The following RGS8 variants were observed in gnomAD, a reference collection of about 807,000 sequenced individuals.
RGS8 encodes the protein regulator of G protein signaling 8.
In RGS8, 8 loss-of-function variants were observed where a neutral mutation model predicts 21.7. The observed-to-expected ratio is 0.37, with a 90% CI of 0.22 to 0.66. The LOEUF (loss-of-function observed/expected upper bound fraction) is 0.66. Among genes scored for constraint, RGS8 ranks in the 30% least tolerant of loss-of-function variants. The pLI, the probability that RGS8 is intolerant of heterozygous loss-of-function variation, is 0.59. For missense variants in RGS8, 157 were observed against 217.9 expected (o/e 0.72, Z 1.76); for synonymous variants, 80 against 83.6 (o/e 0.96, Z 0.24).
At chr1:182,670,386 C>T (rs1664097164) in intron 2 of RGS8, among the ~76,000 whole-genome samples, 1 of 152,224 alleles carries the variant, frequency 6.6e-6, no homozygotes, top group Non-Finnish European at 1.5e-5. Context: ...GGGGCCTGGC[C>T]TATTCTTGAC....
the RGS8 span, among the ~76,000 whole-genome samples, chr1:182,742,299 T>C: frequency 0.43 from 62,176 of 145,706 alleles, 13,396 homozygotes; most frequent in Non-Finnish European, 0.47. Flanking sequence ...AGACGATGGG[T>C]GGCCAGGCGG....
chr1:182,724,406 T>C, the RGS8 span, among the ~76,000 whole-genome samples: 1 of 151,576 alleles, frequency 6.6e-6, no homozygotes, highest in East Asian at 1.9e-4. Flanking sequence ...CCATCTGTGA[T>C]TGGCTGACTC....
upstream of RGS8, chr1:182,672,905 G>A: frequency 6.4e-7 from 1 of 1,561,932 alleles, no homozygotes; most frequent in South Asian, 1.1e-5. Context: ...TCCAAGCGTG[G>A]TCCCTGAACC....
At chr1:182,727,322 G>A in the RGS8 span, among the ~76,000 whole-genome samples, 1 of 152,198 alleles carries the variant, frequency 6.6e-6, no homozygotes, top group Non-Finnish European at 1.5e-5. Flanking sequence ...AGAATTAAAT[G>A]AGTTAATCTA....
chr1:182,643,452 G>C (rs1167295255), downstream of RGS8: 3 of 152,014 alleles, frequency 2.0e-5, no homozygotes, highest in Non-Finnish European at 2.9e-5. Flanking sequence ...AAAAGCTTCT[G>C]ATTTGGCTGT....
chr1:182,659,421 C>T (rs1486797237), intron 5 of RGS8, among the ~76,000 whole-genome samples: 1 of 152,172 alleles, frequency 6.6e-6, no homozygotes, highest in Non-Finnish European at 1.5e-5. Context: ...AAACATGTAG[C>T]CGGGCGCGGT....
chr1:182,670,648 T>A (rs1453738582), intron 2 of RGS8, among the ~76,000 whole-genome samples: 1 of 152,160 alleles, frequency 6.6e-6, no homozygotes, highest in Non-Finnish European at 1.5e-5. Context: ...GACTCCTATG[T>A]GAGCTACACC....
Position 182,671,249 on chromosome 1 carries a change from A to T in RGS8, c.-104+408T>A, listed in dbSNP as rs1227489699. ...TGCTCTCAACCACAGATGCCAATAA[A>T]TAAGAATCAGCAGGACACTCTGACC... On this transcript the variant is annotated intron_variant, in intron 2 of 6. Transcript: ENST00000483095. Among the ~76,000 whole-genome samples, 3 of 152,280 alleles carry T rather than the reference A, an allele frequency of 2.0e-5. No homozygotes were observed. In the East Asian group the frequency reaches 5.8e-4, roughly 29 times the overall value.
At chr1:182,701,398 A>G in the RGS8 span, among the ~76,000 whole-genome samples, 1 of 152,256 alleles carries the variant, frequency 6.6e-6, no homozygotes, top group Non-Finnish European at 1.5e-5. Flanking sequence ...GGTCAAAGGC[A>G]CAGGTCACTG....
the RGS8 span, among the ~76,000 whole-genome samples, chr1:182,691,012 G>C: frequency 6.6e-6 from 1 of 152,304 alleles, no homozygotes; most frequent in Non-Finnish European, 1.5e-5. Context: ...CCAGTCCCCT[G>C]TATTGTACCA....
chr1:182,708,918 G>A, the RGS8 span, among the ~76,000 whole-genome samples: 1 of 152,200 alleles, frequency 6.6e-6, no homozygotes, highest in Non-Finnish European at 1.5e-5. Context: ...TGGGCAGGCG[G>A]AAGCTTGGGG....
the RGS8 span, among the ~76,000 whole-genome samples, chr1:182,741,710 G>T: frequency 1.8e-5 from 2 of 108,620 alleles, no homozygotes; most frequent in African/African-American, 5.8e-5. Flanking sequence ...CCGGGCAGAG[G>T]CGCCCCTCAC....
chr1:182,747,043 C>CTTTTTTTTTTTTTTTTTTTTTTTTTTTTT, the RGS8 span, among the ~76,000 whole-genome samples: 9 of 21,050 alleles, frequency 4.3e-4, 4 homozygotes, highest in Admixed American at 1.8e-3. Context: ...CACTGCTGGT[C>CTTTTTTTTTTTTTTTTTTTTTTTTTTTTT]TTTTTTTTTT....
the RGS8 span, among the ~76,000 whole-genome samples, chr1:182,699,223 T>G: frequency 1.3e-5 from 2 of 152,222 alleles, no homozygotes; most frequent in Non-Finnish European, 2.9e-5. Context: ...AGGCAGGCCT[T>G]CCTTCATTTT....
At chr1:182,678,080 C>T (rs1020636421) in intron 1 of RGS8, among the ~76,000 whole-genome samples, 1 of 152,134 alleles carries the variant, frequency 6.6e-6, no homozygotes, top group African/African-American at 2.4e-5. Flanking sequence ...AGTATTAAGA[C>T]ATTATCGTTA....
intron 4 of RGS8, 76 bp from the exon 6 acceptor site, chr1:182,666,109 C>T (rs1663846465): frequency 7.6e-7 from 1 of 1,307,332 alleles, no homozygotes; most frequent in South Asian, 1.2e-5. Flanking sequence ...AAGATTTGCT[C>T]AAGAAAACAA....
chr1:182,648,377 GA>G, intron 5 of RGS8, 74 bp from the exon 7 acceptor site: 1 of 1,492,436 alleles, frequency 6.7e-7, no homozygotes, highest in Non-Finnish European at 9.2e-7. Context: ...AGAAAGAAAG[GA>G]AGTAATAGTG....
chr1:182,646,680 C>A lies in RGS8; in HGVS notation c.*55G>T. ...ATGACATTTCACATTAGAATATGAT[C>A]TTGGCAGCAAGTGGAGGGGAAAGCC... On this transcript the variant is annotated 3_prime_UTR_variant, in exon 7 of 7. Coordinates refer to ENST00000483095, the Ensembl canonical transcript of RGS8. The A allele has an allele frequency of 2.7e-6, 4 of 1,494,218 alleles. No individual in the cohort carries two copies. In the South Asian group the frequency reaches 3.7e-5, roughly 14 times the overall value. The allele number at this position is 1,494,218 out of a possible 1,614,324, so 92.6% of individuals were successfully genotyped here.
At chr1:182,709,782 C>T in the RGS8 span, among the ~76,000 whole-genome samples, 2 of 152,152 alleles carry the variant, frequency 1.3e-5, no homozygotes, top group East Asian at 1.9e-4. Flanking sequence ...TTTATGAATG[C>T]GAACCATCTT....
Sources: gnomAD v4.1 joint callset for allele counts (sites outside exome capture counted in the v4.1 genomes callset) on GRCh38, gnomAD v4.1.1 for gene constraint, MANE v1.5 for transcripts, NCBI Gene and HGNC (gene_info 2026-07-23, HGNC 2026-07-21) for gene names.